The following TCERG1L variants were observed in gnomAD, a reference collection of about 807,000 sequenced individuals.
TCERG1L encodes transcription elongation regulator 1 like.
TCERG1L carries 37 observed loss-of-function variants against 56.3 expected under a neutral mutation model. The observed-to-expected ratio is 0.66, with a 90% CI of 0.51 to 0.87. The LOEUF (loss-of-function observed/expected upper bound fraction) is 0.87, where lower values mean the gene tolerates loss of function less well. TCERG1L is among the 40% of genes least tolerant of loss of function. TCERG1L has a pLI of 0.00. For synonymous variants in TCERG1L, 324 were observed against 326.3 expected (o/e 0.99, Z 0.08); for missense variants, 799 against 774.2 (o/e 1.03, Z -0.38).
At chr10:131,152,671 C>A (rs1353059796) in intron 6 of TCERG1L, among the ~76,000 whole-genome samples, 1 of 152,176 alleles carries the variant, frequency 6.6e-6, no homozygotes, top group African/African-American at 2.4e-5. Flanking sequence ...TAGCAGCACC[C>A]CACTCCTGGT....
intron 8 of TCERG1L, among the ~76,000 whole-genome samples, chr10:131,125,324 T>C (rs1286394392): frequency 1.3e-5 from 2 of 152,154 alleles, no homozygotes; most frequent in African/African-American, 4.8e-5. Flanking sequence ...CTGGATGACA[T>C]CTCATTATTA....
chr10:131,123,487 C>T (rs1845533227), intron 8 of TCERG1L, among the ~76,000 whole-genome samples: 1 of 152,008 alleles, frequency 6.6e-6, no homozygotes, highest in Admixed American at 6.5e-5. Context: ...TAAGAATGTT[C>T]TAGAGACAGT....
At chr10:131,185,136 T>C (rs770931205) in intron 4 of TCERG1L, among the ~76,000 whole-genome samples, 1 of 151,960 alleles carries the variant, frequency 6.6e-6, no homozygotes, top group Non-Finnish European at 1.5e-5. Flanking sequence ...GATAAAAATA[T>C]AGATAATATA....
intron 7 of TCERG1L, among the ~76,000 whole-genome samples, chr10:131,138,380 G>A (rs1187258776): frequency 2.6e-5 from 4 of 152,194 alleles, no homozygotes; most frequent in Admixed American, 6.5e-5. Context: ...CACACACGGT[G>A]AGGAATACAG....
intron 3 of TCERG1L, among the ~76,000 whole-genome samples, chr10:131,298,579 A>G (rs919042634): frequency 1.3e-5 from 2 of 152,096 alleles, no homozygotes; most frequent in African/African-American, 4.8e-5. Context: ...ACACCCGGCT[A>G]ATTTTTGTAT....
At chr10:131,309,834 CAAAAAAAAAAA>C (rs58892586) in intron 1 of TCERG1L, among the ~76,000 whole-genome samples, 8 of 49,824 alleles carry the variant, frequency 1.6e-4, no homozygotes, top group Admixed American at 2.7e-4. Context: ...GATTCTATGG[CAAAAAAAAAAA>C]AAAAAAAAAA....
chr10:131,236,759 AGAAG>A (rs1589757454), intron 4 of TCERG1L, among the ~76,000 whole-genome samples: 2 of 152,230 alleles, frequency 1.3e-5, no homozygotes, highest in East Asian at 3.9e-4. Flanking sequence ...CTCTCCTCTG[AGAAG>A]GAAGGAGTAA....
At chr10:131,111,811 A>G (rs1845416066) in intron 9 of TCERG1L, among the ~76,000 whole-genome samples, 1 of 143,454 alleles carries the variant, frequency 7.0e-6, no homozygotes, top group Non-Finnish European at 1.6e-5. Flanking sequence ...TGAAAACACA[A>G]GAAGACAGAT....
intron 3 of TCERG1L, among the ~76,000 whole-genome samples, chr10:131,296,227 C>T (rs1022465630): frequency 1.3e-5 from 2 of 152,078 alleles, no homozygotes; most frequent in Non-Finnish European, 2.9e-5. Flanking sequence ...ATGTTTTCTT[C>T]AGAATTTAGT....
intron 7 of TCERG1L, among the ~76,000 whole-genome samples, chr10:131,138,208 T>C (rs1845696439): frequency 6.6e-6 from 1 of 152,104 alleles, no homozygotes; most frequent in Admixed American, 6.5e-5. Context: ...GAGTTCAATT[T>C]TTTGAACTCT....
At chr10:131,216,932 C>T (rs1845675987) in intron 4 of TCERG1L, among the ~76,000 whole-genome samples, 1 of 152,184 alleles carries the variant, frequency 6.6e-6, no homozygotes. Context: ...GGCATCTCTA[C>T]CCAGGGCACA....
At chr10:131,273,956 G>C (rs1265464840) in intron 3 of TCERG1L, among the ~76,000 whole-genome samples, 1 of 152,188 alleles carries the variant, frequency 6.6e-6, no homozygotes, top group Non-Finnish European at 1.5e-5. Flanking sequence ...AAAATAATTT[G>C]TCAGGGAACA....
Position 131,177,397 on chromosome 10 carries a change from G to T in TCERG1L, c.857-10512C>A, listed in dbSNP as rs1233213890. 2.0e-5 allele frequency among the ~76,000 whole-genome samples: 3 copies of T among 152,252 alleles called. No homozygotes were observed. In the South Asian group the frequency reaches 6.2e-4, roughly 31 times the overall value. On this transcript the variant is annotated intron_variant, in intron 4 of 11. Coordinates refer to ENST00000368642, the MANE Select transcript of TCERG1L (RefSeq NM_174937.4). ...TCTGTGCCCTCCGTGTGCCAGAAAA[G>T]AATGGAAGAAAAGCTGATACATGTA...
intron 7 of TCERG1L, among the ~76,000 whole-genome samples, chr10:131,141,980 C>T (rs1220537563): frequency 6.6e-6 from 1 of 152,212 alleles, no homozygotes; most frequent in Non-Finnish European, 1.5e-5. Flanking sequence ...CCCTCACACT[C>T]GACTTTCTGC....
At chr10:131,108,782 G>A (rs557868410) in intron 9 of TCERG1L, among the ~76,000 whole-genome samples, 70 of 152,262 alleles carry the variant, frequency 4.6e-4, no homozygotes, top group Middle Eastern at 3.4e-3. Context: ...TGGTGCTTGG[G>A]GTCCTCTTCC....
chr10:131,223,603 CACATGCTCACACACACTG>C (rs960616887), intron 4 of TCERG1L, among the ~76,000 whole-genome samples: 7 of 152,062 alleles, frequency 4.6e-5, no homozygotes, highest in Non-Finnish European at 7.4e-5. Context: ...CACACTCACC[CACATGCTCACACACACTG>C]ACATGCTCAC....
chr10:131,225,129 C>T (rs1164425892), intron 4 of TCERG1L, among the ~76,000 whole-genome samples: 2 of 152,148 alleles, frequency 1.3e-5, no homozygotes, highest in Admixed American at 1.3e-4. Context: ...CGACTCACTC[C>T]CACCCCGTGG....
intron 8 of TCERG1L, among the ~76,000 whole-genome samples, chr10:131,117,675 C>A (rs562224520): frequency 1.2e-3 from 186 of 152,260 alleles, no homozygotes; most frequent in Non-Finnish European, 1.9e-3. Context: ...CCGGGCTGGG[C>A]AGCTCACCAG....
intron 7 of TCERG1L, among the ~76,000 whole-genome samples, chr10:131,145,866 C>A (rs1845789569): frequency 6.6e-6 from 1 of 152,204 alleles, no homozygotes; most frequent in African/African-American, 2.4e-5. Flanking sequence ...GAGGGCTTTC[C>A]CCACGCAGCA....
Sources: allele counts gnomAD v4.1 joint callset (sites outside exome capture counted in the v4.1 genomes callset), GRCh38; gene constraint gnomAD v4.1.1; transcripts MANE v1.5; gene names NCBI Gene and HGNC (gene_info 2026-07-23, HGNC 2026-07-21).